The following ZNF557 variants were observed in gnomAD, a reference collection of about 807,000 sequenced individuals.
The protein encoded by ZNF557 is zinc finger protein 557.
Under a neutral mutation model 21.2 loss-of-function variants are expected in ZNF557, and 19 were observed. That is an observed-to-expected ratio of 0.90 (90% CI 0.63 to 1.32). The LOEUF (loss-of-function observed/expected upper bound fraction) is 1.32, where lower values mean the gene tolerates loss of function less well. Ranked by LOEUF, ZNF557 falls within the 40% of genes most tolerant of loss-of-function variation. The pLI, the probability that ZNF557 is intolerant of heterozygous loss-of-function variation, is 0.00. For missense variants in ZNF557, 487 were observed against 519.8 expected (o/e 0.94, Z 0.61); for synonymous variants, 207 against 194.8 (o/e 1.06, Z -0.52).
intron 2 of ZNF557, among the ~76,000 whole-genome samples, chr19:7,072,514 T>G (rs931044678): frequency 5.3e-5 from 8 of 152,158 alleles, no homozygotes; most frequent in African/African-American, 1.9e-4. Context: ...TTCAAACTCC[T>G]CACCACTCTT....
intron 2 of ZNF557, among the ~76,000 whole-genome samples, chr19:7,071,976 C>T (rs549787396): frequency 1.3e-4 from 19 of 149,312 alleles, no homozygotes; most frequent in East Asian, 7.9e-4. Context: ...ATTACCCGGG[C>T]GTGGTGGCAG....
At chr19:7,070,923 G>A (rs757394287) in intron 2 of ZNF557, among the ~76,000 whole-genome samples, 1 of 152,032 alleles carries the variant, frequency 6.6e-6, no homozygotes, top group Non-Finnish European at 1.5e-5. Context: ...GCACCACCAC[G>A]CCCAGCTAAT....
At position 7,081,063 on chromosome 19, in the gene ZNF557, C is replaced by A. The variant is rs149726868; in HGVS notation, c.248-297C>A. ...GACTATATATTCTCTGTAGTTAAATCTTTTGGGCTTTCAGATTCTGTATTT... is the reference window on the plus strand; with the variant it reads ...GACTATATATTCTCTGTAGTTAAATATTTTGGGCTTTCAGATTCTGTATTT... On this transcript the variant is annotated intron_variant, in intron 5 of 7. Coordinates refer to ENST00000252840, the MANE Select transcript of ZNF557 (RefSeq NM_024341.3). 2.5e-4 allele frequency among the ~76,000 whole-genome samples: 38 copies of A among 151,812 alleles called. No homozygotes were observed. The East Asian group carries it at 7.2e-3, about 29-fold the overall frequency.
At chr19:7,076,555 G>A in intron 5 of ZNF557, 48 bp downstream of exon 5, 1 of 1,581,310 alleles carries the variant, frequency 6.3e-7, no homozygotes, top group Non-Finnish European at 8.6e-7. Context: ...CAGGAAGTCA[G>A]TCTTTTTTTT....
Position 7,084,957 on chromosome 19 carries a change from AG to A in ZNF557, c.*1215del. 6.6e-6 allele frequency: 1 copy of A among 152,308 alleles called. No individual in the cohort carries two copies. Among genetic ancestry groups the A allele is most frequent in the South Asian group, 2.1e-4 (1 of 4,820 alleles). The allele number at this position is 152,308 out of a possible 1,614,324, so 9.4% of individuals were successfully genotyped here. A position where few individuals can be genotyped will look rare whatever the true frequency, so the allele number is the denominator to read the frequency against. ...TCACATTTCGGAGATCATACAACAGAGGAATATGTTGAGTATACACAGTGTT... is the reference window on the plus strand; with the variant it reads ...TCACATTTCGGAGATCATACAACAGAGAATATGTTGAGTATACACAGTGTT... On this transcript the variant is annotated 3_prime_UTR_variant, in exon 8 of 8. Transcript: ENST00000252840.
intron 2 of ZNF557, among the ~76,000 whole-genome samples, chr19:7,073,157 G>GTTTT (rs552141577): frequency 0.013 from 1,743 of 136,028 alleles, 52 homozygotes; most frequent in African/African-American, 0.045. Context: ...GGTTTTTTTT[G>GTTTT]TTTTTTTTTT....
chr19:7,079,875 A>G (rs117118870), intron 5 of ZNF557, among the ~76,000 whole-genome samples: 511 of 152,302 alleles, frequency 3.4e-3, no homozygotes, highest in Non-Finnish European at 5.4e-3. Context: ...CAGCTAAAGC[A>G]TCTTACAACT....
At chr19:7,074,719 T>A (rs1977541008) in intron 2 of ZNF557, among the ~76,000 whole-genome samples, 1 of 137,658 alleles carries the variant, frequency 7.3e-6, no homozygotes, top group Non-Finnish European at 1.5e-5. Context: ...TCAAGGCAGA[T>A]CACAGGCTGG....
intron 5 of ZNF557, among the ~76,000 whole-genome samples, chr19:7,077,454 C>G (rs1002438934): frequency 3.2e-4 from 49 of 152,296 alleles, no homozygotes; most frequent in African/African-American, 1.2e-3. Context: ...CAAAGTACAG[C>G]TGTGTTGTAG....
At chr19:7,071,202 GTTTT>G (rs113338034) in intron 2 of ZNF557, among the ~76,000 whole-genome samples, 2 of 151,250 alleles carry the variant, frequency 1.3e-5, no homozygotes, top group African/African-American at 4.9e-5. Flanking sequence ...CTATTTAAAA[GTTTT>G]TTTTTCAACC....
chr19:7,075,965 T>C (rs1163267945), intron 4 of ZNF557, among the ~76,000 whole-genome samples: 2 of 152,130 alleles, frequency 1.3e-5, no homozygotes, highest in Non-Finnish European at 2.9e-5. Flanking sequence ...CTGAGAGTTT[T>C]AAGGGAAAGC....
rs1370570617 is a variant in ZNF557 at position 7,075,674 on chromosome 19, A to G, written c.51A>G (p.Pro17=). The change falls in exon 4 of 8, where the codon CCA becomes CCG. Residue 17 remains proline (P), a synonymous_variant. Coordinates refer to ENST00000252840, the MANE Select transcript of ZNF557 (RefSeq NM_024341.3). ...CTCCAGCTCTGTCTTCCCTGTTCCC[A>G]GCCTCTCAGCGAGAAGGACACACAG... ...PPTAALSSLF[P]ASQREGHTEG... The G allele has an allele frequency of 3.1e-6, 5 of 1,613,536 alleles. No homozygotes were observed. Among genetic ancestry groups the G allele is most frequent in the Non-Finnish European group, 4.2e-6 (5 of 1,179,680 alleles).
Position 7,083,299 on chromosome 19 carries a change from A to G in ZNF557, c.848A>G (p.Lys283Arg). 1 of 1,614,204 alleles carries G rather than the reference A, an allele frequency of 6.2e-7. No individual in the cohort carries two copies. Among genetic ancestry groups the G allele is most frequent in the Non-Finnish European group, 8.5e-7 (1 of 1,180,038 alleles). Residue 283 changes from lysine to arginine, a missense_variant, in exon 8 of 8, where the codon AAG (lysine) becomes AGG (arginine). By Grantham distance (26) the Lys-to-Arg change is conservative. Coordinates refer to ENST00000252840, the MANE Select transcript of ZNF557 (RefSeq NM_024341.3). ...ACTCAGTCAATCTTCACAAGGCACA[A>G]GAGAGTTCATACGGGGGAGGGTCAT... ...FRTQSIFTRH[K>R]RVHTGEGHYV...
intron 3 of ZNF557, 110 bp from the exon 4 acceptor site, chr19:7,075,545 C>G: frequency 1.9e-6 from 2 of 1,027,300 alleles, no homozygotes; most frequent in Non-Finnish European, 2.9e-6. Context: ...TTGTGGGTGA[C>G]TGTGTATGCA....
chr19:7,084,572 C>G lies in ZNF557; in HGVS notation c.*828C>G, dbSNP rs1176169297. On this transcript the variant is annotated 3_prime_UTR_variant, in exon 8 of 8. Transcript: ENST00000252840. ...TTTGCCATGTTGCCCAGACTAGTCT[C>G]AAACTCCTAGGTTCAAGCAGTCCTT... 1 of 152,054 alleles carries G rather than the reference C, an allele frequency of 6.6e-6. No homozygotes were observed. Among genetic ancestry groups the G allele is most frequent in the East Asian group, 1.9e-4 (1 of 5,192 alleles). 9.4% of individuals were successfully genotyped at this position (152,054 alleles called of 1,614,324 possible).
At chr19:7,078,200 C>T (rs751249494) in intron 5 of ZNF557, among the ~76,000 whole-genome samples, 30 of 152,214 alleles carry the variant, frequency 2.0e-4, no homozygotes, top group Non-Finnish European at 3.1e-4. Flanking sequence ...CACTGGCTTG[C>T]GGCCTCCATG....
chr19:7,074,430 A>G (rs1977531548), intron 2 of ZNF557, among the ~76,000 whole-genome samples: 1 of 150,352 alleles, frequency 6.7e-6, no homozygotes, highest in African/African-American at 2.5e-5. Context: ...CCTTAAATTT[A>G]CTGACGATAA....
At chr19:7,074,333 C>CACACAT (rs1242697956) in intron 2 of ZNF557, among the ~76,000 whole-genome samples, 1 of 149,618 alleles carries the variant, frequency 6.7e-6, no homozygotes, top group African/African-American at 2.5e-5. Flanking sequence ...TGTGTATATA[C>CACACAT]ACACACACAC....
rs1309238449 is a variant in ZNF557, at chr19:7,083,071, C to G, written c.620C>G (p.Pro207Arg). Reference protein sequence around the residue: ...VHKRIHNGEKPYECNDCGKTF... With the variant: ...VHKRIHNGEKRYECNDCGKTF... ...AAGAGAATCCACAATGGGGAGAAAC[C>G]CTATGAATGCAATGACTGTGGGAAA... Residue 207 changes from proline to arginine, a missense_variant, in exon 8 of 8, where the codon CCC becomes CGC. Physicochemically the swap from Pro to Arg is moderately radical, Grantham distance 103. Transcript: ENST00000252840. 1 of 1,614,086 alleles carries G rather than the reference C, an allele frequency of 6.2e-7. No homozygotes were observed. Among genetic ancestry groups the G allele is most frequent in the East Asian group, 2.2e-5 (1 of 44,886 alleles).
Sources: gnomAD v4.1 joint callset for allele counts (sites outside exome capture counted in the v4.1 genomes callset) on GRCh38, gnomAD v4.1.1 for gene constraint, MANE v1.5 for transcripts, NCBI Gene and HGNC (gene_info 2026-07-23, HGNC 2026-07-21) for gene names.